Variants in ABL2 observed in about 807,000 individuals in gnomAD.
ABL2 encodes the protein tyrosine-protein kinase ABL2.
Under a neutral mutation model 107.7 loss-of-function variants are expected in ABL2, and 49 were observed. The observed-to-expected ratio is 0.45, with a 90% confidence interval of 0.36 to 0.58. The LOEUF (loss-of-function observed/expected upper bound fraction) is 0.58. Among genes scored for constraint, ABL2 ranks in the 20% least tolerant of loss-of-function variants. ABL2 has a pLI of 0.00. For missense variants in ABL2, 1,245 were observed against 1,457.0 expected (o/e 0.85, Z 2.37); for synonymous variants, 549 against 548.6 (o/e 1.00, Z -0.01).
chr1:179,195,823 C>G (rs1313861742), intron 1 of ABL2, among the ~76,000 whole-genome samples: 1 of 152,132 alleles, frequency 6.6e-6, no homozygotes, highest in African/African-American at 2.4e-5. Flanking sequence ...TATGAGGAAC[C>G]TAGAGTAGTC....
chr1:179,174,612 C>A (rs111387069), intron 1 of ABL2, among the ~76,000 whole-genome samples: 1 of 150,786 alleles, frequency 6.6e-6, no homozygotes, highest in Non-Finnish European at 1.5e-5. Context: ...TCAGCCCAGG[C>A]GCAGTCTTAA....
chr1:179,201,560 T>C, intron 1 of ABL2: 1 of 346,802 alleles, frequency 2.9e-6, no homozygotes, highest in Non-Finnish European at 5.5e-6. Context: ...GAACAGAATC[T>C]GGCATGCCTA....
intron 1 of ABL2, among the ~76,000 whole-genome samples, chr1:179,177,217 C>CA (rs139025585): frequency 0.072 from 10,909 of 152,040 alleles, 442 homozygotes; most frequent in Non-Finnish European, 0.081. Context: ...GAGAAATAAA[C>CA]AAAAAAACAA....
intron 1 of ABL2, among the ~76,000 whole-genome samples, chr1:179,227,602 C>T (rs1182778065): frequency 9.9e-5 from 15 of 152,202 alleles, no homozygotes. Context: ...TAACACTTCC[C>T]ACAAAGTGAA....
intron 4 of ABL2, among the ~76,000 whole-genome samples, chr1:179,123,377 T>A (rs1355668773): frequency 6.6e-6 from 1 of 151,834 alleles, no homozygotes; most frequent in Non-Finnish European, 1.5e-5. Flanking sequence ...TGGTGGTGCG[T>A]GCCTGCAGTC....
intron 1 of ABL2, among the ~76,000 whole-genome samples, chr1:179,137,610 A>G (rs1657157241): frequency 6.6e-6 from 1 of 152,212 alleles, no homozygotes; most frequent in Non-Finnish European, 1.5e-5. Flanking sequence ...CCAAGTTAGA[A>G]ATAGTAATAA....
chr1:179,194,810 T>C (rs1376495341), intron 1 of ABL2, among the ~76,000 whole-genome samples: 1 of 151,928 alleles, frequency 6.6e-6, no homozygotes, highest in Non-Finnish European at 1.5e-5. Flanking sequence ...AAAAAGAGGG[T>C]AATGATAGTA....
chr1:179,225,226 A>G (rs1364069103), intron 1 of ABL2, among the ~76,000 whole-genome samples: 1 of 152,236 alleles, frequency 6.6e-6, no homozygotes, highest in Non-Finnish European at 1.5e-5. Context: ...TGACCATTTT[A>G]GCTAAAGAAA....
At chr1:179,171,231 T>C (rs944151093) in intron 1 of ABL2, among the ~76,000 whole-genome samples, 6 of 152,188 alleles carry the variant, frequency 3.9e-5, no homozygotes, top group African/African-American at 1.4e-4. Flanking sequence ...ACACTGATGA[T>C]TTTACTAACC....
At chr1:179,142,781 T>A (rs1657705454) in intron 1 of ABL2, 1 of 791,818 alleles carries the variant, frequency 1.3e-6, no homozygotes, top group East Asian at 2.8e-5. Context: ...GATCCTACTA[T>A]GAGATATTCC....
intron 1 of ABL2, among the ~76,000 whole-genome samples, chr1:179,215,692 C>CT (rs1662525725): frequency 6.7e-6 from 1 of 149,366 alleles, no homozygotes; most frequent in African/African-American, 2.5e-5. Flanking sequence ...CAGACTCTGC[C>CT]TCAAAAAAAA....
At chr1:179,155,335 T>C (rs964190059) in intron 1 of ABL2, among the ~76,000 whole-genome samples, 2 of 152,162 alleles carry the variant, frequency 1.3e-5, no homozygotes, top group Non-Finnish European at 2.9e-5. Context: ...ATCCATTTCA[T>C]CAAAGGAAAC....
chr1:179,113,797 G>A (rs1038426575), intron 9 of ABL2, among the ~76,000 whole-genome samples: 1 of 152,174 alleles, frequency 6.6e-6, no homozygotes, highest in Non-Finnish European at 1.5e-5. Flanking sequence ...CGGGCGTGGT[G>A]GCGGCCGGCG....
Position 179,101,215 on chromosome 1 carries a change from A to G in ABL2, c.*6503T>C. On this transcript the variant is annotated 3_prime_UTR_variant, in exon 12 of 12. Transcript: ENST00000502732. ...CACAAATCTCCAAGGGTGGCCTCTC[A>G]GCAGTTTCTGCCATTCCAAGTCAGC... is the stretch of plus-strand genomic sequence containing the variant. The G allele has an allele frequency of 4.4e-6, 1 of 224,846 alleles. No homozygotes were observed. The highest frequency in any genetic ancestry group is 6.4e-5 in the East Asian group (1 of 15,576). The allele number at this position is 224,846 out of a possible 1,614,324, so 13.9% of individuals were successfully genotyped here.
chr1:179,133,167 A>T, intron 2 of ABL2, 145 bp downstream of exon 2: 1 of 1,399,908 alleles, frequency 7.1e-7, no homozygotes, highest in Non-Finnish European at 9.7e-7. Flanking sequence ...AGGCCAACTT[A>T]TTTTTAATAT....
intron 1 of ABL2, among the ~76,000 whole-genome samples, chr1:179,191,594 G>GT (rs1003816365): frequency 6.6e-6 from 1 of 151,414 alleles, no homozygotes; most frequent in Non-Finnish European, 1.5e-5. Context: ...CTAATTTTTT[G>GT]TATTTTTAGT....
intron 1 of ABL2, among the ~76,000 whole-genome samples, chr1:179,194,265 C>T (rs1661182146): frequency 6.6e-6 from 1 of 152,160 alleles, no homozygotes; most frequent in South Asian, 2.1e-4. Context: ...AATCTTGTTA[C>T]ATGAGCACGA....
At chr1:179,123,786 T>C (rs1655456795) in intron 4 of ABL2, among the ~76,000 whole-genome samples, 1 of 152,050 alleles carries the variant, frequency 6.6e-6, no homozygotes, top group Admixed American at 6.5e-5. Flanking sequence ...TATGCCACCA[T>C]GCCCAGCTAA....
At chr1:179,196,349 G>A (rs369604104) in intron 1 of ABL2, 6 of 152,116 alleles carry the variant, frequency 3.9e-5, no homozygotes, top group African/African-American at 1.2e-4. Flanking sequence ...AGCTACTTAT[G>A]CCCAAGTTTT....
Sources: gnomAD v4.1 joint callset for allele counts (sites outside exome capture counted in the v4.1 genomes callset) on GRCh38, gnomAD v4.1.1 for gene constraint, MANE v1.5 for transcripts, NCBI Gene and HGNC (gene_info 2026-07-23, HGNC 2026-07-21) for gene names.